TACC1: variants seen among roughly 807,000 people sequenced by gnomAD.
TACC1 encodes the protein transforming acidic coiled-coil-containing protein 1.
TACC1 carries 48 observed loss-of-function variants against 84.4 expected under a neutral mutation model. The ratio of observed to expected loss-of-function variants is 0.57; its 90% CI spans 0.45 to 0.72. TACC1 has a LOEUF of 0.72. Among genes scored for constraint, TACC1 ranks in the 30% least tolerant of loss-of-function variants. TACC1 has a pLI of 0.00. For synonymous variants in TACC1, 372 were observed against 376.3 expected (o/e 0.99, Z 0.13); for missense variants, 920 against 973.0 (o/e 0.95, Z 0.72).
At chr8:38,818,852 A>T (rs1296355488) in intron 2 of TACC1, among the ~76,000 whole-genome samples, 1 of 149,136 alleles carries the variant, frequency 6.7e-6, no homozygotes, top group Non-Finnish European at 1.5e-5. Context: ...ATCTCGGCTC[A>T]CTGCAGCCTC....
rs1158943014 is a variant in TACC1 at position 38,825,314 on chromosome 8, C to T, written c.1398C>T (p.Gly466=). ...KKAKSRLITS[G]CKVKKHETQS... Reference sequence around the variant, plus strand: ...GTGTTTCTTCTCTTTCCAGGAGTGGCTGTAAGGTGAAGAAGCATGAAACTC... The same window carrying T: ...GTGTTTCTTCTCTTTCCAGGAGTGGTTGTAAGGTGAAGAAGCATGAAACTC... Residue 466 remains glycine (G), a synonymous_variant, in exon 4 of 13, where the codon GGC becomes GGT. Transcript: ENST00000317827. 1.3e-5 allele frequency: 21 copies of T among 1,613,914 alleles called. No individual in the cohort carries two copies. The highest frequency in any genetic ancestry group is 2.2e-5 in the East Asian group (1 of 44,888).
chr8:38,731,114 T>G, intron 1 of TACC1, among the ~76,000 whole-genome samples: 1 of 152,150 alleles, frequency 6.6e-6, no homozygotes, highest in East Asian at 1.9e-4. Context: ...TTTTTTAATT[T>G]TTGTGTAGAG....
chr8:38,734,272 A>C (rs1323977312), intron 1 of TACC1, among the ~76,000 whole-genome samples: 1 of 151,992 alleles, frequency 6.6e-6, no homozygotes, highest in Non-Finnish European at 1.5e-5. Flanking sequence ...GACTCACTGC[A>C]ACCTCCGCCT....
intron 2 of TACC1, among the ~76,000 whole-genome samples, chr8:38,789,021 A>G (rs111844410): frequency 0.024 from 3,592 of 152,282 alleles, 130 homozygotes; most frequent in African/African-American, 0.075. Context: ...GTGCATTTGC[A>G]GTATAAGATT....
exon 3 of TACC1, chr8:38,745,265 G>A: frequency 2.1e-6 from 1 of 484,498 alleles, no homozygotes. Flanking sequence ...CAGAAACAGA[G>A]CTCGCAGTTC....
chr8:38,813,612 A>G (rs978953989), intron 2 of TACC1, among the ~76,000 whole-genome samples: 4 of 152,218 alleles, frequency 2.6e-5, no homozygotes, highest in African/African-American at 9.6e-5. Context: ...GTTAACTCCA[A>G]TCACATGTTA....
chr8:38,757,209 G>GGCCCCCCCC, intron 3 of TACC1: 1 of 262,220 alleles, frequency 3.8e-6, no homozygotes, highest in Non-Finnish European at 7.5e-6. Flanking sequence ...ACGGCCGGGC[G>GGCCCCCCCC]CCCCACCCCG....
In TACC1 at chr8:38,827,282, G is replaced by A; in HGVS notation, c.1567G>A (p.Val523Met). The A allele has an allele frequency of 6.2e-7, 1 of 1,614,224 alleles. No homozygotes were observed. The highest frequency in any genetic ancestry group is 1.1e-5 in the South Asian group (1 of 91,086). Residue 523 changes from valine to methionine, a missense_variant, in exon 5 of 13, where the codon GTG (valine) becomes ATG (methionine). By Grantham distance (21) the Val-to-Met change is conservative. Transcript: ENST00000317827. ...SCGQKSAGAEVKGEPEEDLEY... is the reference protein window; with the variant it reads ...SCGQKSAGAEMKGEPEEDLEY... The stretch of plus-strand genomic sequence containing the variant: ...TGGTCAGAAATCAGCTGGTGCCGAG[G>A]TGAAAGGTGAGCCAGAGGAAGACCT...
intron 2 of TACC1, among the ~76,000 whole-genome samples, chr8:38,803,525 T>C (rs1014782083): frequency 2.6e-5 from 4 of 152,216 alleles, no homozygotes; most frequent in Non-Finnish European, 4.4e-5. Flanking sequence ...TGATCATGTG[T>C]GTTTTGTCCT....
intron 1 of TACC1, 92 bp downstream of exon 1, chr8:38,787,835 C>T (rs1297056189): frequency 8.1e-7 from 1 of 1,233,322 alleles, no homozygotes; most frequent in Non-Finnish European, 1.1e-6. Flanking sequence ...TCGCCACCCG[C>T]GAAACCGTCC....
chr8:38,760,461 T>C (rs754951438), intron 3 of TACC1, among the ~76,000 whole-genome samples: 1 of 152,200 alleles, frequency 6.6e-6, no homozygotes, highest in Non-Finnish European at 1.5e-5. Context: ...TTAGGAAACA[T>C]TGGAAATACA....
intron 3 of TACC1, among the ~76,000 whole-genome samples, chr8:38,748,542 C>T (rs1019217423): frequency 1.1e-4 from 17 of 152,062 alleles, no homozygotes; most frequent in African/African-American, 3.9e-4. Flanking sequence ...AGACCACATT[C>T]TGGACCATAA....
At chr8:38,801,400 AAGGGAGT>A (rs1394672298) in intron 2 of TACC1, among the ~76,000 whole-genome samples, 2 of 152,210 alleles carry the variant, frequency 1.3e-5, no homozygotes, top group African/African-American at 4.8e-5. Flanking sequence ...CATATGGTGT[AAGGGAGT>A]AGTCTAGCTT....
At chr8:38,830,833 C>T (rs1367148166) in intron 5 of TACC1, among the ~76,000 whole-genome samples, 2 of 152,132 alleles carry the variant, frequency 1.3e-5, no homozygotes, top group African/African-American at 2.4e-5. Flanking sequence ...ACAGTTAGTA[C>T]GACACATTTT....
Position 38,820,481 on chromosome 8 carries a change from G to A in TACC1, c.1237G>A (p.Gly413Ser), listed in dbSNP as rs757407992. ...LQNSPPLSSE[G>S]SYHFDPDNFD... ...GAACTCCCCACCCCTCTCTTCTGAG[G>A]GCTCCTACCACTTTGACCCAGATAA... The change falls in exon 3 of 13, where the codon GGC becomes AGC. Residue 413 changes from glycine (G) to serine (S), a missense_variant. Coordinates refer to ENST00000317827, the MANE Select transcript of TACC1 (RefSeq NM_006283.3). 10 of 1,613,998 alleles carry A rather than the reference G, an allele frequency of 6.2e-6. No homozygotes were observed. The East Asian group carries it at 1.3e-4, about 22-fold the overall frequency.
upstream of TACC1, chr8:38,787,126 G>T: frequency 2.0e-6 from 2 of 983,932 alleles, no homozygotes; most frequent in Non-Finnish European, 2.4e-6. Flanking sequence ...TCAAAGCCCC[G>T]GCGCCGCCGC....
chr8:38,827,070 G>A (rs1828238878), intron 4 of TACC1, 98 bp from the exon 5 acceptor site: 6 of 1,025,622 alleles, frequency 5.9e-6, no homozygotes, highest in South Asian at 4.6e-5. Flanking sequence ...TCACATATCT[G>A]TATGGAGTTG....
intron 2 of TACC1, among the ~76,000 whole-genome samples, chr8:38,742,824 C>T (rs908785146): frequency 1.3e-5 from 2 of 152,216 alleles, no homozygotes; most frequent in Non-Finnish European, 2.9e-5. Flanking sequence ...AAGCAATTCC[C>T]CTGCCTCAGC....
intron 2 of TACC1, among the ~76,000 whole-genome samples, chr8:38,815,623 T>C (rs1209001523): frequency 6.6e-6 from 1 of 152,174 alleles, no homozygotes; most frequent in East Asian, 1.9e-4. Flanking sequence ...TTCACCATGT[T>C]GGCCAGGCTG....
Sources: gnomAD v4.1 joint callset for allele counts (sites outside exome capture counted in the v4.1 genomes callset) on GRCh38, gnomAD v4.1.1 for gene constraint, MANE v1.5 for transcripts, NCBI Gene and HGNC (gene_info 2026-07-23, HGNC 2026-07-21) for gene names.